Variants in CCDC141 observed in about 807,000 individuals in gnomAD.
CCDC141 encodes the protein coiled-coil domain-containing protein 141.
A neutral mutation model predicts 181.0 loss-of-function variants in CCDC141; 168 were observed. The observed-to-expected ratio is 0.93, with a 90% CI of 0.82 to 1.05. CCDC141 has a LOEUF of 1.05. Among genes scored for constraint, CCDC141 ranks in the 50% least tolerant of loss-of-function variants. CCDC141 has a pLI of 0.00. For missense variants in CCDC141, 1,902 were observed against 1,788.5 expected (o/e 1.06, Z -1.14); for synonymous variants, 666 against 642.3 (o/e 1.04, Z -0.56).
intron 2 of CCDC141, among the ~76,000 whole-genome samples, chr2:179,015,836 A>G (rs1247171815): frequency 1.4e-5 from 2 of 140,128 alleles, no homozygotes; most frequent in African/African-American, 5.4e-5. Flanking sequence ...TGTATCATAT[A>G]TATCTCATAT....
At chr2:178,963,441 G>A (rs1690493074) in intron 4 of CCDC141, among the ~76,000 whole-genome samples, 1 of 151,974 alleles carries the variant, frequency 6.6e-6, no homozygotes, top group Admixed American at 6.6e-5. Context: ...CAGGTTGGGG[G>A]AACTATGGAG....
At chr2:178,826,281 A>G (rs2154364823), downstream of CCDC141, among the ~76,000 whole-genome samples, 1 of 152,266 alleles carries the variant, frequency 6.6e-6, no homozygotes, top group Middle Eastern at 3.4e-3. Flanking sequence ...AACAAATCCC[A>G]CGTCTTGTGT....
chr2:178,953,163 G>T (rs577085144), intron 5 of CCDC141, among the ~76,000 whole-genome samples: 1 of 152,200 alleles, frequency 6.6e-6, no homozygotes, highest in African/African-American at 2.4e-5. Context: ...TCGGCTGGGC[G>T]TGGTGGCTCA....
At chr2:178,985,087 G>C (rs889806846) in intron 2 of CCDC141, among the ~76,000 whole-genome samples, 2 of 151,522 alleles carry the variant, frequency 1.3e-5, no homozygotes, top group African/African-American at 2.4e-5. Context: ...CTCGGCAAAT[G>C]TAAAAGAACA....
the CCDC141 span, among the ~76,000 whole-genome samples, chr2:178,819,181 A>T: frequency 1.3e-5 from 2 of 152,196 alleles, no homozygotes; most frequent in Non-Finnish European, 2.9e-5. Flanking sequence ...AAGTGTACTT[A>T]GGGGCCTTTT....
chr2:179,015,278 C>T (rs551891394), intron 2 of CCDC141, among the ~76,000 whole-genome samples: 1 of 111,930 alleles, frequency 8.9e-6, no homozygotes, highest in African/African-American at 3.3e-5. Flanking sequence ...TATATCTCAT[C>T]TATCTCTCAT....
chr2:179,009,362 G>A (rs1286888053), intron 2 of CCDC141, among the ~76,000 whole-genome samples: 1 of 152,142 alleles, frequency 6.6e-6, no homozygotes, highest in Admixed American at 6.6e-5. Flanking sequence ...ACCATGGTTG[G>A]TTTTCTGGAT....
intron 2 of CCDC141, among the ~76,000 whole-genome samples, chr2:179,027,515 G>A (rs997784573): frequency 1.3e-5 from 2 of 151,392 alleles, no homozygotes; most frequent in Non-Finnish European, 2.9e-5. Context: ...CATGGTGGCG[G>A]GTGCCTGTAG....
intron 11 of CCDC141, among the ~76,000 whole-genome samples, chr2:178,884,240 A>T (rs1350666728): frequency 1.6e-5 from 1 of 61,906 alleles, no homozygotes; most frequent in African/African-American, 8.8e-5. Context: ...TAATGTGAAG[A>T]AAAAAAAAAA....
chr2:178,838,162 G>A (rs1362292017), intron 22 of CCDC141, among the ~76,000 whole-genome samples: 1 of 152,194 alleles, frequency 6.6e-6, no homozygotes, highest in Non-Finnish European at 1.5e-5. Context: ...AGACTCCCTT[G>A]TTAGGTGATT....
intron 6 of CCDC141, among the ~76,000 whole-genome samples, chr2:178,938,448 G>A (rs1016846278): frequency 6.6e-6 from 1 of 152,092 alleles, no homozygotes; most frequent in Non-Finnish European, 1.5e-5. Flanking sequence ...TTGTGCTGTG[G>A]TCTGAGAGTG....
rs961915275 is a variant in CCDC141, at chr2:178,905,355, G to A, written c.1239C>T (p.Thr413=). Residue 413 remains threonine (T), a synonymous_variant, in exon 8 of 24, where the codon ACC becomes ACT. Coordinates refer to ENST00000443758, the MANE Select transcript of CCDC141 (RefSeq NM_173648.4). ...TGCAGGAGTCTACTTGGCTGATTAA[G>A]GTTTGTCCCTTTTGCAAAGCATCAG... ...CTTDALQKGQ[T]LISQVDSCSS... 6.5e-7 allele frequency: 1 copy of A among 1,549,666 alleles called. No individual in the cohort carries two copies. The highest frequency in any genetic ancestry group is 1.2e-5 in the South Asian group (1 of 83,796).
chr2:178,989,460 G>C (rs1049379285), intron 2 of CCDC141, among the ~76,000 whole-genome samples: 1 of 151,656 alleles, frequency 6.6e-6, no homozygotes, highest in Non-Finnish European at 1.5e-5. Flanking sequence ...CAGGTGTGGT[G>C]GTGGGCACCT....
At chr2:178,898,683 T>C (rs1021325896) in intron 8 of CCDC141, among the ~76,000 whole-genome samples, 24 of 152,186 alleles carry the variant, frequency 1.6e-4, no homozygotes, top group Admixed American at 2.0e-4. Flanking sequence ...TTTGATTCCA[T>C]GATAGTAAAA....
intron 2 of CCDC141, among the ~76,000 whole-genome samples, chr2:179,037,206 C>A (rs1296205189): frequency 6.6e-6 from 1 of 152,174 alleles, no homozygotes; most frequent in African/African-American, 2.4e-5. Flanking sequence ...CCAGTCTCAC[C>A]AGTCAGGTGA....
chr2:178,989,601 AAAAAAAATAAATAAAT>A (rs1467802860), intron 2 of CCDC141, among the ~76,000 whole-genome samples: 4 of 92,438 alleles, frequency 4.3e-5, no homozygotes, highest in African/African-American at 1.9e-4. Context: ...CTCAAAAAAA[AAAAAAAATAAATAAAT>A]AAATAAATAA....
At chr2:178,981,612 T>C (rs992723927) in intron 2 of CCDC141, among the ~76,000 whole-genome samples, 5 of 107,422 alleles carry the variant, frequency 4.7e-5, no homozygotes, top group Non-Finnish European at 9.1e-5. Flanking sequence ...AAAGAAAAAT[T>C]TGTAGCATTG....
intron 4 of CCDC141, among the ~76,000 whole-genome samples, chr2:178,965,884 G>A (rs1690606752): frequency 6.6e-6 from 1 of 152,118 alleles, no homozygotes; most frequent in Non-Finnish European, 1.5e-5. Flanking sequence ...AATTCTCACT[G>A]TCAGCACAGC....
At position 178,833,060 on chromosome 2, in the gene CCDC141, T is replaced by A. The variant is rs553510351; in HGVS notation, c.*1113A>T. 1 of 152,288 alleles carries A rather than the reference T, an allele frequency of 6.6e-6. No individual in the cohort carries two copies. The highest frequency in any genetic ancestry group is 2.4e-5 in the African/African-American group (1 of 41,568). 9.4% of individuals were successfully genotyped at this position (152,288 alleles called of 1,614,324 possible). A position where few individuals can be genotyped will look rare whatever the true frequency, so the allele number is the denominator to read the frequency against. On this transcript the variant is annotated 3_prime_UTR_variant, in exon 24 of 24. Transcript: ENST00000443758. ...TTTAATTTCAAGTCTTTGAAAAGAA[T>A]GCAGTCTTCAGAAATTAGATAGGAA...
Sources: allele counts gnomAD v4.1 joint callset (sites outside exome capture counted in the v4.1 genomes callset), GRCh38; gene constraint gnomAD v4.1.1; transcripts MANE v1.5; gene names NCBI Gene and HGNC (gene_info 2026-07-23, HGNC 2026-07-21).